RAB11FIP3: variants seen among roughly 807,000 people sequenced by gnomAD.
RAB11FIP3 encodes the protein rab11 family-interacting protein 3.
RAB11FIP3 carries 17 observed loss-of-function variants against 77.8 expected under a neutral mutation model. The observed-to-expected ratio is 0.22, with a 90% confidence interval of 0.15 to 0.33. RAB11FIP3 has a LOEUF of 0.33. Ranked by LOEUF, RAB11FIP3 falls within the 10% of genes least tolerant of loss-of-function variation. The pLI is 1.00. For synonymous variants in RAB11FIP3, 437 were observed against 448.2 expected (o/e 0.98, Z 0.31); for missense variants, 1,005 against 1,011.2 (o/e 0.99, Z 0.08).
At chr16:454,960 G>A (rs1202158179) in intron 1 of RAB11FIP3, among the ~76,000 whole-genome samples, 1 of 150,094 alleles carries the variant, frequency 6.7e-6, no homozygotes, top group Non-Finnish European at 1.5e-5. Context: ...TGAGGCACGA[G>A]AATTGCTTGA....
chr16:494,293 G>C (rs528895616), intron 5 of RAB11FIP3, among the ~76,000 whole-genome samples: 1 of 151,482 alleles, frequency 6.6e-6, no homozygotes, highest in East Asian at 1.9e-4. Flanking sequence ...TGTCCTATTA[G>C]TTCTAGGGAG....
chr16:432,553 C>T (rs536624844), intron 1 of RAB11FIP3, among the ~76,000 whole-genome samples: 11 of 149,886 alleles, frequency 7.3e-5, no homozygotes, highest in Admixed American at 3.3e-4. Context: ...TTATAATTTG[C>T]ATGCATGTTG....
chr16:520,145 G>T lies in RAB11FIP3; in HGVS notation c.1884G>T (p.Gln628His). 1 of 1,546,358 alleles carries T rather than the reference G, an allele frequency of 6.5e-7. No individual in the cohort carries two copies. The highest frequency in any genetic ancestry group is 8.7e-7 in the Non-Finnish European group (1 of 1,147,792). Residue 628 changes from glutamine to histidine, a missense_variant, in exon 12 of 14, where the codon CAG becomes CAT. By Grantham distance (24) the Gln-to-His change is conservative (BLOSUM62 0). This residue lies in a region of RAB11FIP3 where 433 missense variants were observed against 436.1 expected (regional missense o/e 0.99). Transcript: ENST00000262305. ...AGCTGATCGAGGACCTCCGAAAGCA[G>T]CTGGAGCACCTGCAGCTCCTCAAGC... Reference protein sequence around the residue: ...TQELIEDLRKQLEHLQLLKLE... With the variant: ...TQELIEDLRKHLEHLQLLKLE...
At chr16:496,091 G>C (rs1398134874) in intron 5 of RAB11FIP3, among the ~76,000 whole-genome samples, 1 of 152,206 alleles carries the variant, frequency 6.6e-6, no homozygotes, top group African/African-American at 2.4e-5. Context: ...AAGAAAATCA[G>C]AGGTGTTTTT....
Position 519,804 on chromosome 16 carries a change from T to C in RAB11FIP3, c.1773T>C (p.Ser591=), listed in dbSNP as rs546106364. Residue 591 remains serine (S), a synonymous_variant, in exon 11 of 14, where the codon AGT becomes AGC. Transcript: ENST00000262305. ...DEIESLTLRL[S]EEQENKRRMG... is the part of the protein sequence containing the mutation. The stretch of plus-strand genomic sequence containing the variant: ...TAGAGTCGCTGACGCTGCGGCTCAG[T>C]GAAGAGCAGGAGAACAAGAGGAGAA... The C allele has an allele frequency of 1.2e-6, 2 of 1,609,388 alleles. No individual in the cohort carries two copies. The highest frequency in any genetic ancestry group is 2.2e-5 in the South Asian group (2 of 90,168).
chr16:488,965 G>T lies in RAB11FIP3; in HGVS notation c.1230G>T (p.Gln410His), dbSNP rs749422181. The change falls in exon 5 of 14, where the codon CAG becomes CAT. Residue 410 changes from glutamine (Q) to histidine (H), a missense_variant. Transcript: ENST00000262305. ...ELSPETLCNG[Q>H]LGCSDPAFLT... is the part of the protein sequence containing the mutation. ...CCCCAGAGACCCTATGCAACGGGCA[G>T]CTGGGCTGCAGTGACCCCGCTTTCC... 1.2e-6 allele frequency: 2 copies of T among 1,613,932 alleles called. No individual in the cohort carries two copies. The highest frequency in any genetic ancestry group is 1.3e-5 in the African/African-American group (1 of 74,928).
Position 471,273 on chromosome 16 carries a change from G to A in RAB11FIP3, c.809-22G>A. ...TGGGTGGCTATGGGTGGCCTGTTGA[G>A]CACGAGGTCTTCTCCCTGCAGATCC... On this transcript the variant is annotated intron_variant, in intron 2 of 13. Transcript: ENST00000262305. This position sits in a 1 kb window ranked among gnomAD's most constrained non-coding sequence, Gnocchi z 4.4. 1 of 1,603,814 alleles carries A rather than the reference G, an allele frequency of 6.2e-7. No individual in the cohort carries two copies.
At position 491,617 on chromosome 16, in the gene RAB11FIP3, T is replaced by TG. The variant is rs2030198535; in HGVS notation, c.1265+2617_1265+2618insG. ...ATTGGGAAAGTTAAAGATTTAGTCT[T>TG]TAAGAACAGATATGTAAACAGCTTT... On this transcript the variant is annotated intron_variant, in intron 5 of 13. Coordinates refer to ENST00000262305, the MANE Select transcript of RAB11FIP3 (RefSeq NM_014700.4). 3.3e-5 allele frequency among the ~76,000 whole-genome samples: 5 copies of TG among 152,346 alleles called. No individual in the cohort carries two copies. The South Asian group carries it at 1.0e-3, about 32-fold the overall frequency.
intron 1 of RAB11FIP3, among the ~76,000 whole-genome samples, chr16:456,126 GT>G (rs1288101988): frequency 6.6e-6 from 1 of 151,992 alleles, no homozygotes; most frequent in Non-Finnish European, 1.5e-5. Context: ...GAGGTCAGGA[GT>G]TCAAGACCAG....
chr16:472,474 A>G lies in RAB11FIP3; in HGVS notation c.903+1085A>G, dbSNP rs1428791542. 1.3e-5 allele frequency among the ~76,000 whole-genome samples: 2 copies of G among 152,148 alleles called. No homozygotes were observed. Among genetic ancestry groups the G allele is most frequent in the Non-Finnish European group, 2.9e-5 (2 of 68,020 alleles). On this transcript the variant is annotated intron_variant, in intron 3 of 13. Transcript: ENST00000262305. This position sits in a 1 kb window ranked among gnomAD's most constrained non-coding sequence, Gnocchi z 4.1. The stretch of plus-strand genomic sequence containing the variant: ...TGTGGTGGGAGTTGGACCCTCTCGC[A>G]TGGCTGCAGTGTGCAGAACGTGCTG...
chr16:445,013 C>T (rs2055287584), intron 1 of RAB11FIP3, among the ~76,000 whole-genome samples: 1 of 148,092 alleles, frequency 6.8e-6, no homozygotes, highest in Admixed American at 6.9e-5. Context: ...ACTCGGGAGG[C>T]TGAGGCAGGA....
chr16:519,359 C>T (rs989492280), intron 10 of RAB11FIP3, among the ~76,000 whole-genome samples: 4 of 152,220 alleles, frequency 2.6e-5, no homozygotes, highest in East Asian at 1.9e-4. Context: ...CTTGTCACTG[C>T]GAGACCTCCC....
intron 11 of RAB11FIP3, 50 bp downstream of exon 11, chr16:519,941 CG>C (rs2032601037): frequency 6.5e-7 from 1 of 1,533,508 alleles, no homozygotes; most frequent in East Asian, 2.4e-5. Flanking sequence ...GCCTGCCCCA[CG>C]GGGAGCCTTT....
chr16:450,585 C>T (rs1349011434), intron 1 of RAB11FIP3, among the ~76,000 whole-genome samples: 2 of 152,148 alleles, frequency 1.3e-5, no homozygotes, highest in Non-Finnish European at 2.9e-5. Context: ...GCTGGTGTTA[C>T]CCAGGACACT....
At chr16:431,520 C>T (rs1437629265) in intron 1 of RAB11FIP3, among the ~76,000 whole-genome samples, 2 of 152,074 alleles carry the variant, frequency 1.3e-5, no homozygotes, top group African/African-American at 4.8e-5. Context: ...GCTTGGACTA[C>T]AGGCGTGCAA....
At chr16:491,919 G>A (rs981534534) in intron 5 of RAB11FIP3, among the ~76,000 whole-genome samples, 2 of 152,240 alleles carry the variant, frequency 1.3e-5, no homozygotes, top group Non-Finnish European at 2.9e-5. Context: ...TAGCAGAAGA[G>A]GTGAGTGAGC....
intron 1 of RAB11FIP3, among the ~76,000 whole-genome samples, chr16:431,378 C>A (rs538228519): frequency 6.6e-6 from 1 of 151,668 alleles, no homozygotes; most frequent in South Asian, 2.1e-4. Context: ...CATTTCTTTT[C>A]AGACTTTTTT....
chr16:449,929 C>T (rs2055379331), intron 1 of RAB11FIP3, among the ~76,000 whole-genome samples: 1 of 151,812 alleles, frequency 6.6e-6, no homozygotes, highest in Non-Finnish European at 1.5e-5. Context: ...CTAGCCTGGG[C>T]GACAGAGTGA....
In RAB11FIP3 at chr16:489,433, C is replaced by T. The variant is rs558080918; in HGVS notation, c.1265+433C>T. Among the ~76,000 whole-genome samples, 3 of 152,346 alleles carry T rather than the reference C, an allele frequency of 2.0e-5. No individual in the cohort carries two copies. The South Asian group carries it at 6.2e-4, about 32-fold the overall frequency. On this transcript the variant is annotated intron_variant, in intron 5 of 13. Coordinates refer to ENST00000262305, the MANE Select transcript of RAB11FIP3 (RefSeq NM_014700.4). The stretch of plus-strand genomic sequence containing the variant: ...ACTCTGAATAAATAGAAGCACAACA[C>T]GCAGTGGGCGAGATGCCCACTCACA...
Sources: allele counts gnomAD v4.1 joint callset (sites outside exome capture counted in the v4.1 genomes callset), GRCh38; gene constraint gnomAD v4.1.1; regional missense constraint gnomAD v4.1.1; non-coding constraint Gnocchi (gnomAD v3.1); transcripts MANE v1.5; gene names NCBI Gene and HGNC (gene_info 2026-07-23, HGNC 2026-07-21).